DGKB: variants seen among roughly 807,000 people sequenced by gnomAD.
DGKB encodes the protein 90 kDa diacylglycerol kinase.
DGKB carries 67 observed loss-of-function variants against 114.3 expected under a neutral mutation model. That is an observed-to-expected ratio of 0.59 (90% CI 0.48 to 0.72). The LOEUF (loss-of-function observed/expected upper bound fraction) is 0.72, where lower values mean the gene tolerates loss of function less well. Among genes scored for constraint, DGKB ranks in the 30% least tolerant of loss-of-function variants. The pLI is 0.00. For synonymous variants in DGKB, 398 were observed against 323.1 expected (o/e 1.23, Z -2.49); for missense variants, 907 against 975.2 (o/e 0.93, Z 0.93).
At chr7:14,830,213 G>A (rs1231226060) in intron 2 of DGKB, among the ~76,000 whole-genome samples, 1 of 152,000 alleles carries the variant, frequency 6.6e-6, no homozygotes, top group Non-Finnish European at 1.5e-5. Flanking sequence ...ATTAGTAAGA[G>A]AGTTTTACAG....
intron 21 of DGKB, among the ~76,000 whole-genome samples, chr7:14,430,726 A>C (rs777333521): frequency 6.6e-6 from 1 of 152,220 alleles, no homozygotes; most frequent in Non-Finnish European, 1.5e-5. Flanking sequence ...GAATTTATTC[A>C]GATATCCACA....
chr7:14,744,985 T>C (rs941437684), intron 4 of DGKB, among the ~76,000 whole-genome samples: 5 of 152,202 alleles, frequency 3.3e-5, no homozygotes, highest in Non-Finnish European at 7.3e-5. Context: ...CTGCTAATCC[T>C]GACATCTGAT....
chr7:14,759,270 A>G (rs1835349085), intron 2 of DGKB, among the ~76,000 whole-genome samples: 1 of 152,176 alleles, frequency 6.6e-6, no homozygotes, highest in African/African-American at 2.4e-5. Context: ...GTCACATAAA[A>G]TTGACATTAA....
chr7:14,391,372 G>A (rs898521090), intron 21 of DGKB, among the ~76,000 whole-genome samples: 4 of 152,130 alleles, frequency 2.6e-5, no homozygotes, highest in Non-Finnish European at 5.9e-5. Flanking sequence ...CCCAGGAGGA[G>A]ATAAAAAGGT....
chr7:14,341,138 A>C (rs1256137296), intron 22 of DGKB, among the ~76,000 whole-genome samples: 1 of 151,844 alleles, frequency 6.6e-6, no homozygotes, highest in Non-Finnish European at 1.5e-5. Context: ...GAGAAGTGAA[A>C]AAAAATTCTC....
At chr7:14,640,297 G>T (rs1811512820) in intron 13 of DGKB, among the ~76,000 whole-genome samples, 2 of 152,172 alleles carry the variant, frequency 1.3e-5, no homozygotes, top group Admixed American at 6.5e-5. Flanking sequence ...TTAAGGCAGA[G>T]AATACTAGAA....
intron 15 of DGKB, among the ~76,000 whole-genome samples, chr7:14,616,818 G>T (rs1585131807): frequency 6.6e-6 from 1 of 151,596 alleles, no homozygotes; most frequent in South Asian, 2.1e-4. Flanking sequence ...ACAGTAATAC[G>T]GTTTCACACA....
rs184536401 is a variant in DGKB at position 14,568,916 on chromosome 7, A to G, written c.1770+5296T>C. Among the ~76,000 whole-genome samples, 6 of 152,330 alleles carry G rather than the reference A, an allele frequency of 3.9e-5. 1 individual carries two copies. The highest frequency in any genetic ancestry group is 1.4e-4 in the African/African-American group (6 of 41,574). ...GTAACTAGACAGCAGAAGGGTTCCT[A>G]AAGACAATTTCAAGTACAAACTACG... On this transcript the variant is annotated intron_variant, in intron 20 of 25. Transcript: ENST00000402815.
chr7:14,861,611 C>A (rs923142408), intron 1 of DGKB, among the ~76,000 whole-genome samples: 1 of 151,908 alleles, frequency 6.6e-6, no homozygotes, highest in African/African-American at 2.4e-5. Context: ...TCTCTTAAAG[C>A]ACTCCCTTTC....
chr7:14,257,224 T>C (rs1796081957), intron 23 of DGKB, among the ~76,000 whole-genome samples: 1 of 152,170 alleles, frequency 6.6e-6, no homozygotes, highest in Admixed American at 6.5e-5. Flanking sequence ...TTCTAATTTT[T>C]TTAAAAAATT....
At chr7:14,630,327 A>T in intron 13 of DGKB, 59 bp from the exon 14 acceptor site, 3 of 1,367,064 alleles carry the variant, frequency 2.2e-6, no homozygotes, top group Non-Finnish European at 3.0e-6. Context: ...AAAACAAATC[A>T]GTGAAGTTTC....
rs6461121 is a variant in DGKB, at chr7:14,724,967, T to A, written c.323-6282A>T. Among the ~76,000 whole-genome samples, 5 of 152,066 alleles carry A rather than the reference T, an allele frequency of 3.3e-5. No homozygotes were observed. In the East Asian group the frequency reaches 9.7e-4, roughly 29 times the overall value. ...AAAAGATCATTTGAGTCCAGGAGTTTGAGCCCAACCTGGGCAAAATAGGGA... is the reference window on the plus strand; with the variant it reads ...AAAAGATCATTTGAGTCCAGGAGTTAGAGCCCAACCTGGGCAAAATAGGGA... On this transcript the variant is annotated intron_variant, in intron 5 of 25. Transcript: ENST00000402815.
chr7:14,738,057 C>T (rs1166464293), intron 4 of DGKB, among the ~76,000 whole-genome samples: 3 of 152,140 alleles, frequency 2.0e-5, no homozygotes, highest in Non-Finnish European at 2.9e-5. Context: ...AAAAACATGG[C>T]GATTAGGCCA....
At chr7:14,948,062 C>T (rs532414558) in intron 1 of DGKB, among the ~76,000 whole-genome samples, 6 of 151,680 alleles carry the variant, frequency 4.0e-5, no homozygotes, top group Admixed American at 6.6e-5. Context: ...AATATATTGG[C>T]GATTTTATTT....
At chr7:14,479,677 A>T (rs77008676) in intron 20 of DGKB, among the ~76,000 whole-genome samples, 4,457 of 152,176 alleles carry the variant, frequency 0.029, 205 homozygotes, top group African/African-American at 0.1. Flanking sequence ...TATAAATTTA[A>T]TTCTATTAAG....
At chr7:14,298,895 C>G (rs1235971352) in intron 23 of DGKB, among the ~76,000 whole-genome samples, 2 of 152,054 alleles carry the variant, frequency 1.3e-5, no homozygotes, top group African/African-American at 2.4e-5. Context: ...TATGAACAGA[C>G]AATTCTCAAA....
At chr7:14,531,663 ATT>A (rs59216197) in intron 20 of DGKB, among the ~76,000 whole-genome samples, 1 of 149,902 alleles carries the variant, frequency 6.7e-6, no homozygotes, top group Non-Finnish European at 1.5e-5. Context: ...ATGACAGCAG[ATT>A]TTTTTTTTGA....
intron 21 of DGKB, among the ~76,000 whole-genome samples, chr7:14,388,961 G>C (rs909412213): frequency 1.3e-5 from 2 of 152,150 alleles, no homozygotes; most frequent in Admixed American, 1.3e-4. Context: ...ATGAAGACAA[G>C]CACTCTTGGA....
At chr7:14,657,650 G>T (rs773768374) in intron 13 of DGKB, among the ~76,000 whole-genome samples, 9 of 151,984 alleles carry the variant, frequency 5.9e-5, no homozygotes, top group South Asian at 4.1e-4. Context: ...TGAAATAAAA[G>T]CTGAAGCTCA....
Sources: allele counts gnomAD v4.1 joint callset (sites outside exome capture counted in the v4.1 genomes callset), GRCh38; gene constraint gnomAD v4.1.1; transcripts MANE v1.5; gene names NCBI Gene and HGNC (gene_info 2026-07-23, HGNC 2026-07-21).